OXNAD1: variants seen among roughly 807,000 people sequenced by gnomAD.
OXNAD1 encodes oxidoreductase NAD-binding domain-containing protein 1.
OXNAD1 carries 34 observed loss-of-function variants against 32.9 expected under a neutral mutation model. The observed-to-expected ratio is 1.03, with a 90% CI of 0.79 to 1.38. The LOEUF (loss-of-function observed/expected upper bound fraction) is 1.38. Ranked by LOEUF, OXNAD1 falls within the 40% of genes most tolerant of loss-of-function variation. The pLI, the probability that OXNAD1 is intolerant of heterozygous loss-of-function variation, is 0.00. For missense variants in OXNAD1, 407 were observed against 379.4 expected (o/e 1.07, Z -0.60); for synonymous variants, 134 against 135.2 (o/e 0.99, Z 0.06).
intron 9 of OXNAD1, among the ~76,000 whole-genome samples, chr3:16,318,028 C>T (rs184186608): frequency 6.6e-6 from 1 of 152,178 alleles, no homozygotes; most frequent in Non-Finnish European, 1.5e-5. Flanking sequence ...GGCCGCTTCC[C>T]GGGGGCCCAA....
intron 4 of OXNAD1, among the ~76,000 whole-genome samples, chr3:16,279,231 G>C (rs1040240296): frequency 6.6e-6 from 1 of 152,128 alleles, no homozygotes; most frequent in African/African-American, 2.4e-5. Context: ...AGTTGTAGGG[G>C]ATCTGGGGGG....
rs2067263507 is a variant in OXNAD1 at position 16,302,575 on chromosome 3, TG to T, written c.676-63del. 1 of 1,080,618 alleles carries T rather than the reference TG, an allele frequency of 9.3e-7. No individual in the cohort carries two copies. The highest frequency in any genetic ancestry group is 2.0e-5 in the Admixed American group (1 of 50,018). 66.9% of individuals were successfully genotyped at this position (1,080,618 alleles called of 1,614,324 possible). On this transcript the variant is annotated intron_variant, in intron 7 of 8. Transcript: ENST00000285083. The surrounding 1 kb of genome is among the most constrained non-coding windows in gnomAD (Gnocchi z 4.2). The stretch of plus-strand genomic sequence containing the variant: ...AATGGGAGTTGAGGTTCAGCGTCAA[TG>T]GTTGTGCACATCTGTTTTGATTTTT...
At chr3:16,350,837 A>G (rs1575094516), downstream of OXNAD1, among the ~76,000 whole-genome samples, 1 of 152,212 alleles carries the variant, frequency 6.6e-6, no homozygotes, top group East Asian at 1.9e-4. Flanking sequence ...AACCAAAGTA[A>G]TTATCTTGGA....
rs2065687016 is a variant in OXNAD1 at position 16,280,850 on chromosome 3, A to G, written c.184-5492A>G. On this transcript the variant is annotated intron_variant, in intron 4 of 8. Transcript: ENST00000285083. This position sits in a 1 kb window ranked among gnomAD's most constrained non-coding sequence, Gnocchi z 4.5. ...CAGCATTAAACATGTGTACTGGTAAAGTTGGCAAATGTGTTGTTATTTTAC... is the reference window on the plus strand; with the variant it reads ...CAGCATTAAACATGTGTACTGGTAAGGTTGGCAAATGTGTTGTTATTTTAC... Among the ~76,000 whole-genome samples, 1 of 152,226 alleles carries G rather than the reference A, an allele frequency of 6.6e-6. No individual in the cohort carries two copies. Among genetic ancestry groups the G allele is most frequent in the African/African-American group, 2.4e-5 (1 of 41,452 alleles).
intron 1 of OXNAD1, 126 bp from the exon 2 acceptor site, chr3:16,269,000 G>C (rs991948095): frequency 8.4e-6 from 6 of 713,476 alleles, no homozygotes; most frequent in Non-Finnish European, 1.2e-5. Context: ...GGGGGTAATT[G>C]AGAGTGGGCT....
At chr3:16,294,232 C>T (rs777525956) in intron 5 of OXNAD1, among the ~76,000 whole-genome samples, 35 of 148,958 alleles carry the variant, frequency 2.3e-4, no homozygotes, top group Admixed American at 4.7e-4. Flanking sequence ...CATGAAGTTT[C>T]GCTCTTGTTG....
At chr3:16,343,637 T>C (rs1202070768) in intron 9 of OXNAD1, among the ~76,000 whole-genome samples, 1 of 152,262 alleles carries the variant, frequency 6.6e-6, no homozygotes, top group East Asian at 1.9e-4. Context: ...TTCATGCATG[T>C]GTTTTCATAA....
At chr3:16,282,085 G>A (rs1375973105) in intron 4 of OXNAD1, among the ~76,000 whole-genome samples, 3 of 122,720 alleles carry the variant, frequency 2.4e-5, no homozygotes, top group East Asian at 2.3e-4. Context: ...GTTTTGCCAC[G>A]TTGCCCAGGC....
At chr3:16,351,881 G>GA (rs11366942), downstream of OXNAD1, among the ~76,000 whole-genome samples, 59 of 151,188 alleles carry the variant, frequency 3.9e-4, no homozygotes, top group Middle Eastern at 3.4e-3. This position sits in a 1 kb window ranked among gnomAD's most constrained non-coding sequence, Gnocchi z 5.4. Flanking sequence ...AGAAAGACTA[G>GA]AAAAAAAAAT....
chr3:16,343,227 A>G (rs936200196), intron 9 of OXNAD1, among the ~76,000 whole-genome samples: 1 of 152,180 alleles, frequency 6.6e-6, no homozygotes, highest in Non-Finnish European at 1.5e-5. Flanking sequence ...TGCCTAAAAC[A>G]TCACTCCTAA....
At position 16,322,468 on chromosome 3, in the gene OXNAD1, A is replaced by T. The variant is rs1383717042; in HGVS notation, c.*31-14644A>T. Among the ~76,000 whole-genome samples the T allele has an allele frequency of 1.3e-5, 2 of 152,188 alleles. No homozygotes were observed. ...GAGTGATGCCAGGAGTGAGGAGCCG[A>T]GCAGGTCAGGCAGGCCCTGCCGAGA... On this transcript the variant is annotated intron_variant, in intron 9 of 9. Transcript: ENST00000435829. This position sits in a 1 kb window ranked among gnomAD's most constrained non-coding sequence, Gnocchi z 6.2.
In OXNAD1 at chr3:16,329,680, A is replaced by G. The variant is rs1266159129; in HGVS notation, c.*31-7432A>G. 6.6e-6 allele frequency among the ~76,000 whole-genome samples: 1 copy of G among 152,116 alleles called. No individual in the cohort carries two copies. Among genetic ancestry groups the G allele is most frequent in the Non-Finnish European group, 1.5e-5 (1 of 68,012 alleles). On this transcript the variant is annotated intron_variant, in intron 9 of 9. Coordinates refer to the OXNAD1 transcript ENST00000435829. This position sits in a 1 kb window ranked among gnomAD's most constrained non-coding sequence, Gnocchi z 4.5. ...CCATCCCCGTATTCCCAGTTTAAAGAGAGGAGGAAAACCAATTTTAAATCC... is the reference window on the plus strand; with the variant it reads ...CCATCCCCGTATTCCCAGTTTAAAGGGAGGAGGAAAACCAATTTTAAATCC...
At chr3:16,293,738 C>T (rs908172332) in intron 5 of OXNAD1, among the ~76,000 whole-genome samples, 10 of 152,136 alleles carry the variant, frequency 6.6e-5, no homozygotes, top group East Asian at 1.9e-4. Context: ...TCTTGTTTCT[C>T]TTAGGGGGGA....
Position 16,320,767 on chromosome 3 carries a change from A to G in OXNAD1, c.*31-16345A>G, listed in dbSNP as rs149495138. 3.9e-5 allele frequency among the ~76,000 whole-genome samples: 6 copies of G among 152,206 alleles called. No homozygotes were observed. Among genetic ancestry groups the G allele is most frequent in the Non-Finnish European group, 4.4e-5 (3 of 68,036 alleles). ...AGGCCACAGAGGAGCTGGAGGCCAC[A>G]GAGAATGGGAGGCTGGCAGAGGAGG... On this transcript the variant is annotated intron_variant, in intron 9 of 9. Transcript: ENST00000435829. The surrounding 1 kb of genome is among the most constrained non-coding windows in gnomAD (Gnocchi z 4.5).
intron 9 of OXNAD1, chr3:16,326,923 C>T: frequency 6.8e-7 from 1 of 1,468,746 alleles, no homozygotes; most frequent in South Asian, 1.2e-5. Flanking sequence ...CACAAGCCAA[C>T]TCCCAGGCAA....
rs540473123 is a variant in OXNAD1 at position 16,306,042 on chromosome 3, A to C, written c.*2480A>C. The C allele has an allele frequency of 4.4e-4, 63 of 142,894 alleles. No homozygotes were observed. The highest frequency in any genetic ancestry group is 1.5e-3 in the African/African-American group (59 of 40,078). The allele number at this position is 142,894 out of a possible 1,614,324, so 8.9% of individuals were successfully genotyped here. ...AATAGGTATTTCATAAATATTTGTT[A>C]ATATGCTCAGAGTTGATAAGCTGGA... is the stretch of plus-strand genomic sequence containing the variant. On this transcript the variant is annotated 3_prime_UTR_variant, in exon 9 of 9. Coordinates refer to ENST00000285083, the MANE Select transcript of OXNAD1 (RefSeq NM_138381.5).
intron 9 of OXNAD1, among the ~76,000 whole-genome samples, chr3:16,311,197 T>C: frequency 3.1e-5 from 1 of 32,124 alleles, no homozygotes; most frequent in Admixed American, 5.0e-4. Flanking sequence ...TATTATATAT[T>C]TTATATATTT....
Position 16,316,982 on chromosome 3 carries a change from C to G in OXNAD1, c.*30+13390C>G. On this transcript the variant is annotated intron_variant, in intron 9 of 9. Transcript: ENST00000435829. The surrounding 1 kb of genome is among the most constrained non-coding windows in gnomAD (Gnocchi z 4.5). ...CACAGCCTCACCCTCCACACCCACC[C>G]CACACAGCAGGCCACCAGGGGACAG... The G allele has an allele frequency of 1.2e-6, 2 of 1,614,048 alleles. No homozygotes were observed. The highest frequency in any genetic ancestry group is 8.5e-7 in the Non-Finnish European group (1 of 1,180,016).
chr3:16,324,620 C>CCCCCG (rs971398885), intron 9 of OXNAD1, among the ~76,000 whole-genome samples: 1 of 142,888 alleles, frequency 7.0e-6, no homozygotes, highest in African/African-American at 2.6e-5. Flanking sequence ...CTGACCCCCC[C>CCCCCG]CCTTTTAAGG....
Sources: allele counts gnomAD v4.1 joint callset (sites outside exome capture counted in the v4.1 genomes callset), GRCh38; gene constraint gnomAD v4.1.1; non-coding constraint Gnocchi (gnomAD v3.1); transcripts MANE v1.5; gene names NCBI Gene and HGNC (gene_info 2026-07-23, HGNC 2026-07-21).